Variants in EFCAB13 observed in about 807,000 individuals in gnomAD.
EFCAB13 encodes the protein EF-hand calcium binding domain 13.
Under a neutral mutation model 110.2 loss-of-function variants are expected in EFCAB13, and 91 were observed. The ratio of observed to expected loss-of-function variants is 0.83; its 90% CI spans 0.70 to 0.98. The LOEUF is 0.98. EFCAB13 is among the 50% of genes least tolerant of loss of function. The pLI, the probability that EFCAB13 is intolerant of heterozygous loss-of-function variation, is 0.00. For missense variants in EFCAB13, 968 were observed against 1,119.4 expected, an observed-to-expected ratio of 0.86 and a Z score of 1.93; for synonymous variants, 323 against 369.9, an observed-to-expected ratio of 0.87 and a Z score of 1.45.
chr17:47,330,555 G>T (rs534384019), intron 4 of EFCAB13, among the ~76,000 whole-genome samples: 2 of 152,062 alleles, frequency 1.3e-5, no homozygotes, highest in Non-Finnish European at 2.9e-5. Context: ...GTGGTATTTG[G>T]TTTTTTTGTT....
intron 17 of EFCAB13, among the ~76,000 whole-genome samples, chr17:47,397,703 G>A (rs532794348): frequency 3.7e-4 from 52 of 139,982 alleles, no homozygotes; most frequent in African/African-American, 1.4e-3. Flanking sequence ...ACCCGGCCGC[G>A]ACCCCATCTG....
intron 4 of EFCAB13, among the ~76,000 whole-genome samples, chr17:47,330,920 T>A (rs1305291220): frequency 6.6e-6 from 1 of 151,904 alleles, no homozygotes; most frequent in African/African-American, 2.4e-5. Flanking sequence ...TCATCCCATC[T>A]GCACCAACAT....
intron 23 of EFCAB13, among the ~76,000 whole-genome samples, chr17:47,425,270 G>A (rs907988847): frequency 1.3e-5 from 2 of 152,114 alleles, no homozygotes; most frequent in African/African-American, 4.8e-5. Flanking sequence ...TAATGTCATT[G>A]GCCACAGAAG....
chr17:47,334,705 C>T (rs1157976062), intron 4 of EFCAB13, among the ~76,000 whole-genome samples: 12 of 151,938 alleles, frequency 7.9e-5, no homozygotes, highest in Non-Finnish European at 1.8e-4. Flanking sequence ...TGCTTGAGCT[C>T]AGAAGTTCGA....
At chr17:47,336,705 C>G (rs1598719652) in intron 5 of EFCAB13, among the ~76,000 whole-genome samples, 1 of 150,988 alleles carries the variant, frequency 6.6e-6, no homozygotes, top group Non-Finnish European at 1.5e-5. Context: ...TCCCAAAGTG[C>G]TGGGATTACA....
rs1292707821 is a variant in EFCAB13 at position 47,412,363 on chromosome 17, A to G, written c.2279-410A>G. Among the ~76,000 whole-genome samples the G allele has an allele frequency of 1.2e-4, 19 of 152,186 alleles. 1 individual carries two copies. Among genetic ancestry groups the G allele is most frequent in the Admixed American group, 1.2e-3 (18 of 15,280 alleles). ...CATAGAGAGGAGGTGCCTTTTCCCA[A>G]TTCACACAAAAGCACAGTATGAACT... On this transcript the variant is annotated intron_variant, in intron 21 of 24. Coordinates refer to ENST00000331493, the MANE Select transcript of EFCAB13 (RefSeq NM_152347.5).
chr17:47,426,335 C>T (rs1451398392), intron 23 of EFCAB13, among the ~76,000 whole-genome samples: 2 of 152,186 alleles, frequency 1.3e-5, no homozygotes, highest in Non-Finnish European at 2.9e-5. Flanking sequence ...ACTTCAAGAT[C>T]ACACTTGTGG....
intron 17 of EFCAB13, among the ~76,000 whole-genome samples, chr17:47,396,765 T>C (rs1265622661): frequency 6.6e-6 from 1 of 152,194 alleles, no homozygotes; most frequent in Non-Finnish European, 1.5e-5. Flanking sequence ...GGCTAGAAGT[T>C]TTGGGCTTTA....
chr17:47,433,887 T>C (rs2143524202), intron 24 of EFCAB13, among the ~76,000 whole-genome samples: 1 of 152,252 alleles, frequency 6.6e-6, no homozygotes, highest in East Asian at 1.9e-4. Flanking sequence ...CTTTAAAAAT[T>C]ACTCAATTTC....
intron 7 of EFCAB13, 43 bp from the exon 8 acceptor site, chr17:47,344,973 A>C: frequency 6.9e-7 from 1 of 1,444,284 alleles, no homozygotes; most frequent in Non-Finnish European, 9.7e-7. Context: ...TGGAATTTGC[A>C]TATTTTCATT....
chr17:47,404,892 T>C (rs938571101), intron 20 of EFCAB13, among the ~76,000 whole-genome samples: 2 of 152,110 alleles, frequency 1.3e-5, no homozygotes, highest in African/African-American at 4.8e-5. Context: ...ATAAGACATC[T>C]TTATTATATG....
At chr17:47,391,343 GTTAAT>G (rs2065706498) in intron 14 of EFCAB13, 89 bp from the exon 15 acceptor site, 2 of 913,902 alleles carry the variant, frequency 2.2e-6, no homozygotes, top group Non-Finnish European at 3.1e-6. Context: ...TTATATTTTT[GTTAAT>G]TTAGTGTTAG....
At chr17:47,350,042 G>A (rs2065440796) in intron 9 of EFCAB13, among the ~76,000 whole-genome samples, 1 of 151,960 alleles carries the variant, frequency 6.6e-6, no homozygotes, top group South Asian at 2.1e-4. Flanking sequence ...CCAAAGTGCT[G>A]GGATTACAGG....
chr17:47,356,067 T>G (rs1052647583), intron 9 of EFCAB13, among the ~76,000 whole-genome samples: 1 of 152,098 alleles, frequency 6.6e-6, no homozygotes, highest in Non-Finnish European at 1.5e-5. Context: ...TTTATTTATG[T>G]TATTTCACTG....
At chr17:47,365,528 A>C (rs2065541125) in intron 10 of EFCAB13, among the ~76,000 whole-genome samples, 1 of 152,220 alleles carries the variant, frequency 6.6e-6, no homozygotes, top group Non-Finnish European at 1.5e-5. Context: ...GTAGTGGCTC[A>C]GTAGTGGAGG....
rs1408679054 is a variant in EFCAB13, at chr17:47,326,316, GTTCCT to G, written c.-153_-149del. ...CTCGTCAATAAATTACAGAACAATT[GTTCCT>G]TTCAAGATTTATTCAAAACGTGTCA... On this transcript the variant is annotated 5_prime_UTR_variant, in exon 3 of 25. Transcript: ENST00000331493. The G allele has an allele frequency of 2.0e-5, 3 of 152,200 alleles. No individual in the cohort carries two copies. The highest frequency in any genetic ancestry group is 7.2e-5 in the African/African-American group (3 of 41,534). 9.4% of individuals were successfully genotyped at this position (152,200 alleles called of 1,614,324 possible). A position where few individuals can be genotyped will look rare whatever the true frequency, so the allele number is the denominator to read the frequency against.
At chr17:47,433,242 C>T (rs1449475291) in intron 24 of EFCAB13, among the ~76,000 whole-genome samples, 4 of 152,016 alleles carry the variant, frequency 2.6e-5, no homozygotes, top group African/African-American at 9.7e-5. Flanking sequence ...GGATGAATAC[C>T]CCGAAGGTAA....
chr17:47,402,418 T>A (rs2143445756), intron 18 of EFCAB13, among the ~76,000 whole-genome samples: 1 of 152,344 alleles, frequency 6.6e-6, no homozygotes, highest in East Asian at 1.9e-4. Flanking sequence ...CTGATAAAGC[T>A]GGTTTACTCT....
intron 21 of EFCAB13, among the ~76,000 whole-genome samples, chr17:47,411,265 A>T (rs1001496344): frequency 5.3e-5 from 8 of 152,294 alleles, no homozygotes; most frequent in African/African-American, 1.7e-4. Context: ...TTCTGTAGTC[A>T]TACTACTTAG....
Sources: allele counts gnomAD v4.1 joint callset (sites outside exome capture counted in the v4.1 genomes callset), GRCh38; gene constraint gnomAD v4.1.1; transcripts MANE v1.5; gene names NCBI Gene and HGNC (gene_info 2026-07-23, HGNC 2026-07-21).